MACROD2: variants seen among roughly 807,000 people sequenced by gnomAD.
MACROD2 encodes the protein mono-ADP ribosylhydrolase 2, also known as ADP-ribose glycohydrolase MACROD2.
In MACROD2, 36 loss-of-function variants were observed where a neutral mutation model predicts 70.4. That is an observed-to-expected ratio of 0.51 (90% CI 0.39 to 0.68). The LOEUF (loss-of-function observed/expected upper bound fraction) is 0.68. Among genes scored for constraint, MACROD2 ranks in the 30% least tolerant of loss-of-function variants. MACROD2 has a pLI of 0.00. For synonymous variants in MACROD2, 172 were observed against 178.8 expected, an observed-to-expected ratio of 0.96 and a Z score of 0.30; for missense variants, 496 against 538.4, an observed-to-expected ratio of 0.92 and a Z score of 0.78.
intron 3 of MACROD2, among the ~76,000 whole-genome samples, chr20:14,154,673 A>G (rs929267954): frequency 4.0e-5 from 6 of 150,076 alleles, no homozygotes; most frequent in East Asian, 3.9e-4. Flanking sequence ...CGGCCTCCCA[A>G]AGTGCTGGGA....
chr20:15,854,590 G>T (rs555798476), intron 8 of MACROD2, among the ~76,000 whole-genome samples: 5 of 152,150 alleles, frequency 3.3e-5, no homozygotes, highest in Non-Finnish European at 7.3e-5. Flanking sequence ...AGATAATAAA[G>T]TGTTGTTGTT....
intron 9 of MACROD2, among the ~76,000 whole-genome samples, chr20:15,870,318 G>T (rs1270276100): frequency 6.6e-6 from 1 of 151,824 alleles, no homozygotes; most frequent in Admixed American, 6.6e-5. Flanking sequence ...CTGGAGAACA[G>T]AAATTATTCC....
chr20:15,175,499 A>T (rs1385991502), intron 5 of MACROD2, among the ~76,000 whole-genome samples: 2 of 152,212 alleles, frequency 1.3e-5, no homozygotes, highest in Non-Finnish European at 2.9e-5. Context: ...AACCATGAAT[A>T]GTCATTTTAC....
intron 5 of MACROD2, among the ~76,000 whole-genome samples, chr20:15,061,185 C>A (rs1301801069): frequency 6.6e-6 from 1 of 152,106 alleles, no homozygotes; most frequent in East Asian, 1.9e-4. Context: ...TGAAGACAAC[C>A]CTCATTTCTC....
At chr20:15,582,071 G>A (rs1161509385) in intron 8 of MACROD2, among the ~76,000 whole-genome samples, 1 of 151,372 alleles carries the variant, frequency 6.6e-6, no homozygotes, top group Non-Finnish European at 1.5e-5. Flanking sequence ...GCACTGAGCC[G>A]AGATCATGCC....
intron 3 of MACROD2, among the ~76,000 whole-genome samples, chr20:14,245,945 A>T (rs988071682): frequency 6.6e-6 from 1 of 152,088 alleles, no homozygotes; most frequent in African/African-American, 2.4e-5. Flanking sequence ...TACAAAGTAG[A>T]TGTAGTATTG....
intron 13 of MACROD2, among the ~76,000 whole-genome samples, chr20:15,986,223 C>T (rs527271037): frequency 5.4e-4 from 82 of 152,224 alleles, no homozygotes; most frequent in South Asian, 1.5e-3. Flanking sequence ...TAAAGCGATA[C>T]GGGAGGGTCT....
At chr20:14,602,838 C>G (rs980828389) in intron 4 of MACROD2, among the ~76,000 whole-genome samples, 1 of 152,134 alleles carries the variant, frequency 6.6e-6, no homozygotes, top group African/African-American at 2.4e-5. Flanking sequence ...TAACAAAGGG[C>G]CTGTCAAAAT....
chr20:14,023,562 T>C (rs1340919677), intron 2 of MACROD2, among the ~76,000 whole-genome samples: 1 of 152,224 alleles, frequency 6.6e-6, no homozygotes, highest in African/African-American at 2.4e-5. Flanking sequence ...TAATCTATCT[T>C]GAGTTAATTT....
chr20:14,396,924 CA>C (rs373227803), intron 3 of MACROD2, among the ~76,000 whole-genome samples: 2,323 of 82,586 alleles, frequency 0.028, 65 homozygotes, highest in African/African-American at 0.1. Flanking sequence ...GACTCCATCT[CA>C]AAAAAAAAAA....
intron 3 of MACROD2, among the ~76,000 whole-genome samples, chr20:14,286,873 G>A (rs2082349034): frequency 6.6e-6 from 1 of 152,114 alleles, no homozygotes; most frequent in South Asian, 2.1e-4. Context: ...GGCTCAGCTA[G>A]GTGATATTAA....
intron 8 of MACROD2, among the ~76,000 whole-genome samples, chr20:15,654,962 G>A (rs888058337): frequency 6.6e-6 from 1 of 152,164 alleles, no homozygotes; most frequent in African/African-American, 2.4e-5. Flanking sequence ...AGATGAAGGT[G>A]GAGGCCGCAT....
chr20:14,325,836 C>T (rs375047016), intron 3 of MACROD2: 9 of 1,613,768 alleles, frequency 5.6e-6, no homozygotes, highest in African/African-American at 2.7e-5. Flanking sequence ...TTGAGAAGAG[C>T]GATCCATTCC....
rs566584616 is a variant in MACROD2, at chr20:15,338,227, G to A, written c.541-93178G>A. ...CGGTATAGTTTTGATTCTACCCATC[G>A]TGACTTATGAGACATTGCTTAAATA... On this transcript the variant is annotated intron_variant, in intron 6 of 17. Transcript: ENST00000684519. Among the ~76,000 whole-genome samples the A allele has an allele frequency of 4.8e-4, 72 of 151,566 alleles. 1 individual carries two copies. In the South Asian group the frequency reaches 0.013, roughly 28 times the overall value.
intron 3 of MACROD2, among the ~76,000 whole-genome samples, chr20:14,214,460 A>C (rs938147162): frequency 5.9e-5 from 9 of 152,212 alleles, no homozygotes; most frequent in Middle Eastern, 6.8e-3. Flanking sequence ...AACACAATGG[A>C]AGTGGGCATA....
At chr20:15,534,874 A>AACTGAATTCAGCT (rs1224438717) in intron 8 of MACROD2, among the ~76,000 whole-genome samples, 16 of 152,172 alleles carry the variant, frequency 1.1e-4, no homozygotes, top group Non-Finnish European at 2.2e-4. Context: ...TGCCAACTCT[A>AACTGAATTCAGCT]ACTGAATTCA....
At chr20:15,370,226 A>G (rs1036344827) in intron 6 of MACROD2, among the ~76,000 whole-genome samples, 1 of 152,090 alleles carries the variant, frequency 6.6e-6, no homozygotes, top group Admixed American at 6.5e-5. Flanking sequence ...TTCATCCTTC[A>G]CTAGTGAGTT....
At chr20:14,796,432 T>C (rs909291255) in intron 5 of MACROD2, among the ~76,000 whole-genome samples, 1 of 152,118 alleles carries the variant, frequency 6.6e-6, no homozygotes, top group South Asian at 2.1e-4. Context: ...CAATGTTTTT[T>C]TCACTCAATG....
intron 3 of MACROD2, among the ~76,000 whole-genome samples, chr20:14,188,408 G>A (rs1278934965): frequency 6.6e-6 from 1 of 151,912 alleles, no homozygotes; most frequent in African/African-American, 2.4e-5. Flanking sequence ...ATATTTACCT[G>A]GAATTTTAGC....
Sources: gnomAD v4.1 joint callset for allele counts (sites outside exome capture counted in the v4.1 genomes callset) on GRCh38, gnomAD v4.1.1 for gene constraint, MANE v1.5 for transcripts, NCBI Gene and HGNC (gene_info 2026-07-23, HGNC 2026-07-21) for gene names.